Variants in LYN observed in about 807,000 individuals in gnomAD.
LYN encodes LYN proto-oncogene, Src family tyrosine kinase, also known as tyrosine-protein kinase Lyn.
LYN carries 12 observed loss-of-function variants against 65.0 expected under a neutral mutation model. The ratio of observed to expected loss-of-function variants is 0.18; its 90% CI spans 0.12 to 0.30. LYN has a LOEUF of 0.30. Among genes scored for constraint, LYN ranks in the 10% least tolerant of loss-of-function variants. The probability of loss-of-function intolerance (pLI) is 1.00; values close to 1 mark genes in which losing one functional copy is unlikely to be tolerated. For synonymous variants in LYN, 222 were observed against 221.2 expected, an observed-to-expected ratio of 1.00 and a Z score of -0.03; for missense variants, 380 against 623.2, an observed-to-expected ratio of 0.61 and a Z score of 4.16.
At chr8:55,961,034 A>AC (rs370172969) in intron 8 of LYN, among the ~76,000 whole-genome samples, 268 of 152,236 alleles carry the variant, frequency 1.8e-3, no homozygotes, top group African/African-American at 6.2e-3. Context: ...CTATGAAGAG[A>AC]CCCTGAGGAA....
At chr8:55,963,660 G>C (rs907424) in intron 8 of LYN, among the ~76,000 whole-genome samples, 1 of 151,948 alleles carries the variant, frequency 6.6e-6, no homozygotes, top group Non-Finnish European at 1.5e-5. Flanking sequence ...TTCTCTGGTT[G>C]CTAATAAGAT....
At chr8:55,984,241 T>C (rs921522620) in intron 10 of LYN, among the ~76,000 whole-genome samples, 1 of 152,136 alleles carries the variant, frequency 6.6e-6, no homozygotes, top group Non-Finnish European at 1.5e-5. Flanking sequence ...GTCGTGAGTT[T>C]TGGGGGGACA....
At position 55,946,513 on chromosome 8, in the gene LYN, T is replaced by C. The variant is rs1327175228; in HGVS notation, c.178+20T>C. 1.3e-6 allele frequency: 2 copies of C among 1,560,010 alleles called. No individual in the cohort carries two copies. Among genetic ancestry groups the C allele is most frequent in the East Asian group, 2.2e-5 (1 of 44,606 alleles). On this transcript the variant is annotated intron_variant, in intron 3 of 12. Transcript: ENST00000519728. ...CTAAAGGTATGTTTTCATAGCAACA[T>C]AGTTAAAATTTTTTTTCTTTACTAT...
chr8:55,903,038 AG>A (rs1208878129), intron 1 of LYN, among the ~76,000 whole-genome samples: 3 of 152,160 alleles, frequency 2.0e-5, no homozygotes, highest in African/African-American at 7.2e-5. Context: ...TAGTACAGAC[AG>A]GGTTTCACCA....
chr8:55,953,433 G>A (rs1459467514), intron 7 of LYN, among the ~76,000 whole-genome samples: 1 of 152,096 alleles, frequency 6.6e-6, no homozygotes, highest in Non-Finnish European at 1.5e-5. Flanking sequence ...GATCACTTGA[G>A]GTCAGGAGTT....
intron 1 of LYN, among the ~76,000 whole-genome samples, chr8:55,910,358 C>T (rs1278584125): frequency 6.6e-6 from 1 of 152,132 alleles, no homozygotes; most frequent in East Asian, 1.9e-4. Flanking sequence ...TTTCATTCTT[C>T]CGCATATGGC....
chr8:55,916,760 G>A (rs1805790895), intron 1 of LYN, among the ~76,000 whole-genome samples: 1 of 152,170 alleles, frequency 6.6e-6, no homozygotes, highest in Non-Finnish European at 1.5e-5. Context: ...TACTGCAATG[G>A]CACCTTAGGC....
chr8:55,938,617 G>A (rs1326627222), intron 1 of LYN, among the ~76,000 whole-genome samples: 3 of 152,108 alleles, frequency 2.0e-5, no homozygotes, highest in African/African-American at 7.2e-5. Flanking sequence ...CATTGCCTTG[G>A]CTCTGGTTTT....
intron 1 of LYN, among the ~76,000 whole-genome samples, chr8:55,917,224 C>T (rs2130424732): frequency 6.6e-6 from 1 of 151,246 alleles, no homozygotes; most frequent in South Asian, 2.1e-4. Flanking sequence ...CTTGCGCTGT[C>T]ACCCAGGCTG....
In LYN at chr8:55,954,029, CAGG is replaced by C. The variant is rs748782789; in HGVS notation, c.790+48_790+50del. Reference sequence around the variant, plus strand: ...ATCTATGTCCTTCTAGAGATGGTGACAGGAGAAGTAAAGGCTCAAGCCAATTTC... The same window carrying C: ...ATCTATGTCCTTCTAGAGATGGTGACAGAAGTAAAGGCTCAAGCCAATTTC... On this transcript the variant is annotated intron_variant, in intron 8 of 12. Coordinates refer to ENST00000519728, the MANE Select transcript of LYN (RefSeq NM_002350.4). 3.3e-5 allele frequency: 52 copies of C among 1,597,322 alleles called. No homozygotes were observed. In the African/African-American group the frequency reaches 6.5e-4, roughly 20 times the overall value.
intron 1 of LYN, among the ~76,000 whole-genome samples, chr8:55,881,019 T>A (rs1804641375): frequency 6.6e-6 from 1 of 152,212 alleles, no homozygotes; most frequent in African/African-American, 2.4e-5. Flanking sequence ...TCTGGCTGTA[T>A]ATTTAGGGGA....
chr8:56,004,863 T>G (rs1808631012), intron 12 of LYN, among the ~76,000 whole-genome samples: 1 of 151,996 alleles, frequency 6.6e-6, no homozygotes. Flanking sequence ...TAGCTCACTG[T>G]AGCCTTTAAT....
intron 1 of LYN, among the ~76,000 whole-genome samples, chr8:55,934,873 C>T (rs1340595717): frequency 3.3e-5 from 5 of 152,184 alleles, no homozygotes; most frequent in Admixed American, 3.3e-4. Flanking sequence ...TTACTCTTTC[C>T]AACACTCCTT....
At chr8:55,909,279 C>CCT (rs1287083243) in intron 1 of LYN, among the ~76,000 whole-genome samples, 1 of 152,058 alleles carries the variant, frequency 6.6e-6, no homozygotes, top group Non-Finnish European at 1.5e-5. Context: ...AGGAGGAGGG[C>CCT]CTCTCTGCAC....
At chr8:55,908,173 A>G (rs1805483316) in intron 1 of LYN, among the ~76,000 whole-genome samples, 1 of 152,122 alleles carries the variant, frequency 6.6e-6, no homozygotes. Context: ...TAAAAATAGA[A>G]TTAAAGGTGA....
In LYN at chr8:55,950,770, G is replaced by C. The variant is rs1390701632; in HGVS notation, c.473G>C (p.Ser158Thr). ...NSAGAFLIRE[S>T]ETLKGSFSLS... ...GCTGGAGCTTTCCTTATTAGAGAAA[G>C]TGAAACATTAAAAGGTAGGAAATTG... The change falls in exon 6 of 13, where the codon AGT becomes ACT. Residue 158 changes from serine to threonine, a missense_variant. Ser to Thr is a moderately conservative substitution (Grantham distance 58). Coordinates refer to ENST00000519728, the MANE Select transcript of LYN (RefSeq NM_002350.4). 6.2e-7 allele frequency: 1 copy of C among 1,610,930 alleles called. No homozygotes were observed. The highest frequency in any genetic ancestry group is 8.5e-7 in the Non-Finnish European group (1 of 1,177,238).
At chr8:55,986,829 G>A (rs1265848920) in intron 10 of LYN, among the ~76,000 whole-genome samples, 2 of 152,120 alleles carry the variant, frequency 1.3e-5, no homozygotes, top group South Asian at 2.1e-4. Context: ...AGGCTCAAGC[G>A]ATCCTCCTGC....
At chr8:55,965,453 A>G (rs1253295052) in intron 8 of LYN, among the ~76,000 whole-genome samples, 1 of 152,184 alleles carries the variant, frequency 6.6e-6, no homozygotes, top group Non-Finnish European at 1.5e-5. Flanking sequence ...TTGTCTGCAA[A>G]TTTTGGGAAG....
intron 10 of LYN, among the ~76,000 whole-genome samples, chr8:55,988,165 T>A (rs1417481807): frequency 6.6e-6 from 1 of 152,154 alleles, no homozygotes. Flanking sequence ...AATCTAGTGT[T>A]GGGGAATCAA....
Sources: gnomAD v4.1 joint callset for allele counts (sites outside exome capture counted in the v4.1 genomes callset) on GRCh38, gnomAD v4.1.1 for gene constraint, MANE v1.5 for transcripts, NCBI Gene and HGNC (gene_info 2026-07-23, HGNC 2026-07-21) for gene names.